The following CDH13 variants were observed in gnomAD, a reference collection of about 807,000 sequenced individuals.
CDH13 encodes cadherin-13.
A neutral mutation model predicts 63.8 loss-of-function variants in CDH13; 24 were observed. That is an observed-to-expected ratio of 0.38 (90% CI 0.27 to 0.53). The LOEUF (loss-of-function observed/expected upper bound fraction) is 0.53. Among genes scored for constraint, CDH13 ranks in the 20% least tolerant of loss-of-function variants. The pLI is 0.85. For missense variants in CDH13, 1,049 were observed against 903.1 expected, an observed-to-expected ratio of 1.16 and a Z score of -2.07; for synonymous variants, 503 against 355.3, an observed-to-expected ratio of 1.42 and a Z score of -4.67.
intron 7 of CDH13, among the ~76,000 whole-genome samples, chr16:83,570,681 A>T (rs1289341638): frequency 4.2e-5 from 6 of 143,964 alleles, no homozygotes; most frequent in Non-Finnish European, 9.0e-5. Context: ...TTATATATAT[A>T]AAAAAAAATT....
chr16:83,158,893 CTTCT>C (rs2037330368), intron 4 of CDH13, among the ~76,000 whole-genome samples: 1 of 152,208 alleles, frequency 6.6e-6, no homozygotes, highest in East Asian at 1.9e-4. Flanking sequence ...TCGCAGCAGC[CTTCT>C]TTCTTTACTT....
At position 83,620,599 on chromosome 16, in the gene CDH13, AG is replaced by A. The variant is rs1190998902; in HGVS notation, c.1101+18006del. On this transcript the variant is annotated intron_variant, in intron 8 of 13. Transcript: ENST00000567109. ...AGCCAACATGAGTAGACGTTTATGTAGTAAGTTTCAAGCTTAGGAAGCCCTT... is the reference window on the plus strand; with the variant it reads ...AGCCAACATGAGTAGACGTTTATGTATAAGTTTCAAGCTTAGGAAGCCCTT... Among the ~76,000 whole-genome samples the A allele has an allele frequency of 3.3e-5, 5 of 152,268 alleles. No individual in the cohort carries two copies. In the East Asian group the frequency reaches 9.7e-4, roughly 30 times the overall value.
rs115496594 is a variant in CDH13 at position 83,334,877 on chromosome 16, C to T, written c.637-9985C>T. On this transcript the variant is annotated intron_variant, in intron 5 of 13. Coordinates refer to ENST00000567109, the MANE Select transcript of CDH13 (RefSeq NM_001257.5). ...ACACATCGTGATGATCTAATTGGAC[C>T]ATGAGTATATTTTCATCTAAATCTG... Among the ~76,000 whole-genome samples, 397 of 152,210 alleles carry T rather than the reference C, an allele frequency of 2.6e-3. 3 individuals carry two copies. Among genetic ancestry groups the T allele is most frequent in the African/African-American group, 9.3e-3 (385 of 41,526 alleles).
intron 6 of CDH13, among the ~76,000 whole-genome samples, chr16:83,469,313 C>G (rs1319369808): frequency 6.6e-6 from 1 of 152,180 alleles, no homozygotes; most frequent in African/African-American, 2.4e-5. Flanking sequence ...TGCTGTTTCT[C>G]AGGCCCTAAT....
intron 11 of CDH13, among the ~76,000 whole-genome samples, chr16:83,755,919 G>C: frequency 6.6e-6 from 1 of 152,172 alleles, no homozygotes. Context: ...AAGTAAAATT[G>C]TAAGGACATA....
At chr16:83,101,701 G>A (rs1441912648) in intron 3 of CDH13, among the ~76,000 whole-genome samples, 1 of 152,200 alleles carries the variant, frequency 6.6e-6, no homozygotes, top group Admixed American at 6.5e-5. Context: ...GGCTGAGGAA[G>A]GATAATCAAT....
chr16:83,300,922 T>C (rs1370699592), intron 5 of CDH13, among the ~76,000 whole-genome samples: 1 of 152,076 alleles, frequency 6.6e-6, no homozygotes, highest in Non-Finnish European at 1.5e-5. Flanking sequence ...GAAACAGGGA[T>C]TTAGATTTCC....
chr16:82,934,411 G>T (rs1015194021), intron 2 of CDH13, among the ~76,000 whole-genome samples: 1 of 152,188 alleles, frequency 6.6e-6, no homozygotes, highest in African/African-American at 2.4e-5. Context: ...CCTGGCTCCA[G>T]CCCACAAAAC....
intron 2 of CDH13, among the ~76,000 whole-genome samples, chr16:82,917,758 C>G (rs1034639649): frequency 2.0e-5 from 3 of 151,564 alleles, no homozygotes; most frequent in Non-Finnish European, 4.4e-5. Context: ...CTAAAAACAC[C>G]CAAAAAATTA....
At chr16:83,554,421 G>A (rs1675814087) in intron 7 of CDH13, among the ~76,000 whole-genome samples, 1 of 152,188 alleles carries the variant, frequency 6.6e-6, no homozygotes, top group Admixed American at 6.5e-5. Flanking sequence ...CGATAAGTAG[G>A]CAATGGAAAG....
intron 1 of CDH13, among the ~76,000 whole-genome samples, chr16:82,810,244 G>T (rs1004223051): frequency 1.3e-5 from 2 of 152,190 alleles, no homozygotes; most frequent in African/African-American, 4.8e-5. Flanking sequence ...GCAATAAGCA[G>T]AGATAGAATG....
intron 1 of CDH13, among the ~76,000 whole-genome samples, chr16:82,820,825 A>G (rs991531961): frequency 6.6e-6 from 1 of 152,116 alleles, no homozygotes; most frequent in African/African-American, 2.4e-5. Flanking sequence ...TAAATATTCC[A>G]TTTTCTTATT....
intron 3 of CDH13, among the ~76,000 whole-genome samples, chr16:83,046,040 G>A (rs1203552540): frequency 6.6e-6 from 1 of 152,236 alleles, no homozygotes; most frequent in African/African-American, 2.4e-5. Flanking sequence ...CAGACTGTTG[G>A]TGCTGTTTGA....
At chr16:83,770,859 T>C (rs1199453078) in intron 11 of CDH13, among the ~76,000 whole-genome samples, 1 of 152,154 alleles carries the variant, frequency 6.6e-6, no homozygotes, top group African/African-American at 2.4e-5. Flanking sequence ...CTGTATCTTA[T>C]GCTGACCTCC....
chr16:83,679,052 A>C (rs1280091270), intron 10 of CDH13, among the ~76,000 whole-genome samples: 1 of 151,930 alleles, frequency 6.6e-6, no homozygotes, highest in Non-Finnish European at 1.5e-5. Flanking sequence ...GCTTGGAAAT[A>C]GACCATTGGG....
chr16:83,752,030 T>C (rs1213730740), intron 11 of CDH13, among the ~76,000 whole-genome samples: 2 of 152,244 alleles, frequency 1.3e-5, no homozygotes, highest in Non-Finnish European at 2.9e-5. Flanking sequence ...GAGTACTGAG[T>C]ACAGAATCAG....
chr16:83,618,263 A>G (rs1317238112), intron 8 of CDH13, among the ~76,000 whole-genome samples: 2 of 151,748 alleles, frequency 1.3e-5, no homozygotes, highest in African/African-American at 4.8e-5. Context: ...TGTCTCTACT[A>G]AAATACAAAA....
chr16:83,323,786 C>T (rs2090294622), intron 5 of CDH13, among the ~76,000 whole-genome samples: 1 of 152,182 alleles, frequency 6.6e-6, no homozygotes, highest in Non-Finnish European at 1.5e-5. Context: ...TCTTCACTAG[C>T]CCATACAGTT....
At chr16:83,586,677 G>T (rs914850617) in intron 7 of CDH13, among the ~76,000 whole-genome samples, 3 of 152,172 alleles carry the variant, frequency 2.0e-5, no homozygotes, top group African/African-American at 7.2e-5. Flanking sequence ...TGCCTCGTGG[G>T]AGCAGGTCAG....
Sources: allele counts gnomAD v4.1 joint callset (sites outside exome capture counted in the v4.1 genomes callset), GRCh38; gene constraint gnomAD v4.1.1; transcripts MANE v1.5; gene names NCBI Gene and HGNC (gene_info 2026-07-23, HGNC 2026-07-21).